RBM20: variants seen among roughly 807,000 people sequenced by gnomAD.
The protein encoded by RBM20 is RNA-binding protein 20.
In RBM20, 51 loss-of-function variants were observed where a neutral mutation model predicts 110.1. The ratio of observed to expected loss-of-function variants is 0.46; its 90% confidence interval spans 0.37 to 0.59. The LOEUF is 0.59. Ranked by LOEUF, RBM20 falls within the 20% of genes least tolerant of loss-of-function variation. RBM20 has a pLI of 0.00. For synonymous variants in RBM20, 589 were observed against 618.2 expected, an observed-to-expected ratio of 0.95 and a Z score of 0.70; for missense variants, 1,512 against 1,574.9, an observed-to-expected ratio of 0.96 and a Z score of 0.68.
chr10:110,814,414 C>G (rs916256210), intron 9 of RBM20, among the ~76,000 whole-genome samples: 2 of 152,096 alleles, frequency 1.3e-5, no homozygotes, highest in Non-Finnish European at 2.9e-5. Flanking sequence ...TAACTCTGCA[C>G]AGGAACGGGA....
rs180734842 is a variant in RBM20, at chr10:110,668,693, C to A, written c.191+24048C>A. Reference sequence around the variant, plus strand: ...GCCAGAGAAACCTTTTAGAAACCCTCTTAAATTCCCTCTTTGAAATCTTTT... The same window carrying A: ...GCCAGAGAAACCTTTTAGAAACCCTATTAAATTCCCTCTTTGAAATCTTTT... On this transcript the variant is annotated intron_variant, in intron 1 of 13. Coordinates refer to ENST00000369519, the MANE Select transcript of RBM20 (RefSeq NM_001134363.3). 1.9e-4 allele frequency among the ~76,000 whole-genome samples: 29 copies of A among 152,206 alleles called. No homozygotes were observed. In the East Asian group the frequency reaches 5.0e-3, roughly 26 times the overall value.
intron 1 of RBM20, among the ~76,000 whole-genome samples, chr10:110,682,163 A>G (rs1221535697): frequency 6.6e-6 from 1 of 152,158 alleles, no homozygotes; most frequent in Admixed American, 6.5e-5. Context: ...AAGTGCTGGG[A>G]TTACAGGCGT....
intron 1 of RBM20, among the ~76,000 whole-genome samples, chr10:110,742,733 T>C (rs1843736907): frequency 2.0e-5 from 3 of 152,348 alleles, no homozygotes; most frequent in South Asian, 4.1e-4. Flanking sequence ...GTCTATATTT[T>C]AGTAGCTCAC....
chr10:110,711,791 GT>G (rs1306848772), intron 1 of RBM20, among the ~76,000 whole-genome samples: 2 of 152,180 alleles, frequency 1.3e-5, no homozygotes, highest in Non-Finnish European at 2.9e-5. Context: ...ACAATGCTAG[GT>G]ACTAGGAAAA....
intron 1 of RBM20, among the ~76,000 whole-genome samples, chr10:110,660,687 C>G (rs968820314): frequency 2.0e-5 from 3 of 151,662 alleles, no homozygotes; most frequent in Non-Finnish European, 4.4e-5. Context: ...CTGTCACTGT[C>G]TCCCATCACC....
intron 1 of RBM20, among the ~76,000 whole-genome samples, chr10:110,778,190 C>T (rs1844292532): frequency 6.6e-6 from 1 of 152,240 alleles, no homozygotes; most frequent in South Asian, 2.1e-4. Flanking sequence ...TTTCAGTGCC[C>T]TCTTCCCCCA....
intron 1 of RBM20, among the ~76,000 whole-genome samples, chr10:110,675,928 T>C (rs979986548): frequency 6.6e-6 from 1 of 152,252 alleles, no homozygotes; most frequent in African/African-American, 2.4e-5. Context: ...CTATGGCTTA[T>C]ATTTCACAGA....
intron 1 of RBM20, among the ~76,000 whole-genome samples, chr10:110,731,913 C>G (rs901904286): frequency 1.3e-5 from 2 of 152,132 alleles, no homozygotes; most frequent in African/African-American, 4.8e-5. Context: ...AAATCCTTAC[C>G]CTTGCATTTG....
chr10:110,646,903 C>T (rs1020455021), intron 1 of RBM20, among the ~76,000 whole-genome samples: 5 of 152,098 alleles, frequency 3.3e-5, no homozygotes, highest in African/African-American at 1.2e-4. Context: ...ATGAAATTCT[C>T]CTCTGGTGGA....
chr10:110,711,936 G>C (rs1286147946), intron 1 of RBM20, among the ~76,000 whole-genome samples: 1 of 151,986 alleles, frequency 6.6e-6, no homozygotes, highest in Non-Finnish European at 1.5e-5. Context: ...AATATTGTAA[G>C]GTAATGTGTT....
intron 1 of RBM20, among the ~76,000 whole-genome samples, chr10:110,707,124 T>C (rs1165840663): frequency 6.6e-6 from 1 of 152,210 alleles, no homozygotes; most frequent in African/African-American, 2.4e-5. Flanking sequence ...GGCTTTCTTT[T>C]CCCTTTTTAA....
chr10:110,828,751 A>T (rs1386020491), intron 12 of RBM20, among the ~76,000 whole-genome samples: 1 of 152,178 alleles, frequency 6.6e-6, no homozygotes, highest in African/African-American at 2.4e-5. Context: ...TAAGTAAAAG[A>T]GTTGGGTTTG....
chr10:110,649,699 AGT>A (rs978223754), intron 1 of RBM20, among the ~76,000 whole-genome samples: 204 of 152,330 alleles, frequency 1.3e-3, no homozygotes, highest in African/African-American at 4.7e-3. Flanking sequence ...ATCTGCAGCT[AGT>A]GTGAGTGACT....
intron 1 of RBM20, among the ~76,000 whole-genome samples, chr10:110,745,438 G>A (rs1271838730): frequency 6.6e-6 from 1 of 152,150 alleles, no homozygotes; most frequent in African/African-American, 2.4e-5. Flanking sequence ...AGTGGCTGGG[G>A]ATCTTCCAGG....
At chr10:110,833,258 G>A (rs183107278) in intron 13 of RBM20, among the ~76,000 whole-genome samples, 86 of 151,838 alleles carry the variant, frequency 5.7e-4, no homozygotes, top group African/African-American at 1.9e-3. Flanking sequence ...GCGTGGTGGC[G>A]CGCACCTATA....
intron 1 of RBM20, among the ~76,000 whole-genome samples, chr10:110,778,628 A>G (rs986098180): frequency 6.6e-6 from 1 of 152,252 alleles, no homozygotes; most frequent in Non-Finnish European, 1.5e-5. Context: ...GGCAACTCCA[A>G]TTTCCAGTTT....
chr10:110,786,842 G>A (rs902294366), intron 5 of RBM20, among the ~76,000 whole-genome samples: 1 of 152,226 alleles, frequency 6.6e-6, no homozygotes, highest in African/African-American at 2.4e-5. Context: ...TGTCAGGTGG[G>A]CAGGGGGCAG....
intron 1 of RBM20, among the ~76,000 whole-genome samples, chr10:110,687,712 G>A (rs1424046275): frequency 6.6e-6 from 1 of 152,144 alleles, no homozygotes; most frequent in Non-Finnish European, 1.5e-5. Flanking sequence ...CTTGACCATT[G>A]TCCACCTGTG....
chr10:110,835,842 C>A, intron 13 of RBM20, 26 bp from the exon 14 acceptor site: 1 of 1,550,016 alleles, frequency 6.5e-7, no homozygotes, highest in Non-Finnish European at 8.7e-7. Context: ...ATGCCCCTTC[C>A]TCCACTTCCC....
Sources: allele counts gnomAD v4.1 joint callset (sites outside exome capture counted in the v4.1 genomes callset), GRCh38; gene constraint gnomAD v4.1.1; transcripts MANE v1.5; gene names NCBI Gene and HGNC (gene_info 2026-07-23, HGNC 2026-07-21).